Variants in CNTNAP5 observed in about 807,000 individuals in gnomAD.
CNTNAP5 encodes contactin-associated protein-like 5.
A neutral mutation model predicts 150.2 loss-of-function variants in CNTNAP5; 72 were observed. The observed-to-expected ratio is 0.48, with a 90% confidence interval of 0.40 to 0.58. The LOEUF is 0.58. CNTNAP5 is among the 20% of genes least tolerant of loss of function. The pLI, the probability that CNTNAP5 is intolerant of heterozygous loss-of-function variation, is 0.00. For synonymous variants in CNTNAP5, 672 were observed against 619.8 expected, an observed-to-expected ratio of 1.08 and a Z score of -1.25; for missense variants, 1,636 against 1,626.2, an observed-to-expected ratio of 1.01 and a Z score of -0.10.
chr2:124,742,497 T>G (rs1041104973), intron 13 of CNTNAP5, among the ~76,000 whole-genome samples: 1 of 152,154 alleles, frequency 6.6e-6, no homozygotes, highest in African/African-American at 2.4e-5. Context: ...CGTTGTGCTA[T>G]AGTATTATTA....
chr2:124,874,615 G>C (rs1401896963), intron 21 of CNTNAP5, among the ~76,000 whole-genome samples: 2 of 151,866 alleles, frequency 1.3e-5, no homozygotes, highest in Non-Finnish European at 2.9e-5. Context: ...CTATTGTTTG[G>C]TGAAATTAAG....
intron 21 of CNTNAP5, among the ~76,000 whole-genome samples, chr2:124,901,005 C>T (rs1678404803): frequency 6.6e-6 from 1 of 151,568 alleles, no homozygotes; most frequent in Non-Finnish European, 1.5e-5. Flanking sequence ...CTCATCATAC[C>T]AAACAAACAT....
chr2:124,205,644 C>T (rs547696971), intron 1 of CNTNAP5, among the ~76,000 whole-genome samples: 2 of 152,226 alleles, frequency 1.3e-5, no homozygotes, highest in South Asian at 2.1e-4. Flanking sequence ...TCTTGTGATC[C>T]GCCCACCTCC....
At chr2:124,178,897 A>T (rs1573814649) in intron 1 of CNTNAP5, among the ~76,000 whole-genome samples, 1 of 148,956 alleles carries the variant, frequency 6.7e-6, no homozygotes. Context: ...AAGCTCTCTG[A>T]TTTTTATTTG....
intron 3 of CNTNAP5, among the ~76,000 whole-genome samples, chr2:124,398,780 C>T (rs1573966912): frequency 1.3e-5 from 2 of 152,138 alleles, no homozygotes; most frequent in African/African-American, 4.8e-5. Flanking sequence ...TGCATCTGGC[C>T]CTACTTTATC....
At chr2:124,625,235 G>A (rs911550584) in intron 12 of CNTNAP5, among the ~76,000 whole-genome samples, 15 of 152,100 alleles carry the variant, frequency 9.9e-5, no homozygotes, top group South Asian at 4.1e-4. Context: ...CTTTACCTCC[G>A]TGTCCGTCAC....
intron 11 of CNTNAP5, among the ~76,000 whole-genome samples, chr2:124,564,619 A>G (rs10187894): frequency 0.42 from 64,336 of 151,922 alleles, 14,738 homozygotes; most frequent in East Asian, 0.98. Context: ...CTCCCAAAGC[A>G]CTGGGATTAC....
intron 13 of CNTNAP5, among the ~76,000 whole-genome samples, chr2:124,737,766 T>A (rs1002225696): frequency 3.3e-5 from 5 of 152,132 alleles, no homozygotes; most frequent in Admixed American, 6.5e-5. Flanking sequence ...ACGGAAGAGA[T>A]CGTTATGGCT....
intron 21 of CNTNAP5, among the ~76,000 whole-genome samples, chr2:124,881,662 A>T (rs1329214915): frequency 6.6e-6 from 1 of 152,054 alleles, no homozygotes; most frequent in African/African-American, 2.4e-5. Context: ...CACTGTGGCG[A>T]TGTCCACAGT....
At chr2:124,166,544 G>A (rs1684813399) in intron 1 of CNTNAP5, among the ~76,000 whole-genome samples, 1 of 152,062 alleles carries the variant, frequency 6.6e-6, no homozygotes, top group South Asian at 2.1e-4. Flanking sequence ...GCTACTTATT[G>A]TCAATTTTCT....
chr2:124,340,510 C>A (rs1394734283), intron 3 of CNTNAP5, among the ~76,000 whole-genome samples: 1 of 151,926 alleles, frequency 6.6e-6, no homozygotes, highest in East Asian at 1.9e-4. Context: ...AAACAAAGCA[C>A]CTCTGAGCTC....
intron 3 of CNTNAP5, among the ~76,000 whole-genome samples, chr2:124,358,550 T>C (rs1690093832): frequency 6.6e-6 from 1 of 152,158 alleles, no homozygotes; most frequent in Non-Finnish European, 1.5e-5. Context: ...TTTCTGCATC[T>C]ATTGAGATAA....
In CNTNAP5 at chr2:124,444,624, A is replaced by C. The variant is rs965245751; in HGVS notation, c.734-2129A>C. On this transcript the variant is annotated intron_variant, in intron 5 of 23. Transcript: ENST00000682447. ...AAAACAAACAAACAAACAAACAAGCAAAAAAATACAGTAATCTGCATTAGT... is the reference window on the plus strand; with the variant it reads ...AAAACAAACAAACAAACAAACAAGCCAAAAAATACAGTAATCTGCATTAGT... Among the ~76,000 whole-genome samples the C allele has an allele frequency of 5.3e-3, 811 of 152,146 alleles. 8 individuals carry two copies. The highest frequency in any genetic ancestry group is 0.018 in the African/African-American group (762 of 41,540).
In CNTNAP5 at chr2:124,353,531, A is replaced by G. The variant is rs531262873; in HGVS notation, c.382-63912A>G. On this transcript the variant is annotated intron_variant, in intron 3 of 23. Coordinates refer to ENST00000682447, the MANE Select transcript of CNTNAP5 (RefSeq NM_001367498.1). ...CAGACAGGCAATGCATATTTTACACAGAAAACTATAAGCCTGTCCCATTTC... is the reference window on the plus strand; with the variant it reads ...CAGACAGGCAATGCATATTTTACACGGAAAACTATAAGCCTGTCCCATTTC... Among the ~76,000 whole-genome samples, 8 of 152,254 alleles carry G rather than the reference A, an allele frequency of 5.3e-5. No individual in the cohort carries two copies. The East Asian group carries it at 1.4e-3, about 26-fold the overall frequency.
rs74457683 is a variant in CNTNAP5 at position 124,918,426 on chromosome 2, T to A, written c.*4138T>A. Reference sequence around the variant, plus strand: ...TTATGTGAGGTCTCACCTCTGAGCCTGAGTGAGTGTTTCCTGTCTTGAAGG... The same window carrying A: ...TTATGTGAGGTCTCACCTCTGAGCCAGAGTGAGTGTTTCCTGTCTTGAAGG... On this transcript the variant is annotated 3_prime_UTR_variant, in exon 24 of 24. Coordinates refer to ENST00000682447, the MANE Select transcript of CNTNAP5 (RefSeq NM_001367498.1). Among the ~76,000 whole-genome samples, 1,696 of 152,144 alleles carry A rather than the reference T, an allele frequency of 0.011. 34 individuals carry two copies. Among genetic ancestry groups the A allele is most frequent in the African/African-American group, 0.038 (1,574 of 41,542 alleles).
At chr2:124,059,071 A>G in intron 1 of CNTNAP5, among the ~76,000 whole-genome samples, 1 of 152,176 alleles carries the variant, frequency 6.6e-6, no homozygotes, top group Non-Finnish European at 1.5e-5. Context: ...TGTTATTGGA[A>G]TTTCTTCCAC....
At chr2:124,389,004 G>A (rs888798104) in intron 3 of CNTNAP5, among the ~76,000 whole-genome samples, 6 of 152,120 alleles carry the variant, frequency 3.9e-5, no homozygotes, top group Non-Finnish European at 7.3e-5. Flanking sequence ...GCGGCTGAAC[G>A]ATGTCAACAG....
chr2:124,288,628 T>C (rs1267538042), intron 3 of CNTNAP5, among the ~76,000 whole-genome samples: 3 of 152,216 alleles, frequency 2.0e-5, no homozygotes, highest in Admixed American at 2.0e-4. Flanking sequence ...ATGGAACTCA[T>C]GATTCTTGCT....
At chr2:124,318,851 C>T (rs1689031668) in intron 3 of CNTNAP5, among the ~76,000 whole-genome samples, 1 of 152,118 alleles carries the variant, frequency 6.6e-6, no homozygotes. Context: ...TCTCTCCAGT[C>T]CCCCTGCCCA....
Sources: allele counts gnomAD v4.1 joint callset (sites outside exome capture counted in the v4.1 genomes callset), GRCh38; gene constraint gnomAD v4.1.1; transcripts MANE v1.5; gene names NCBI Gene and HGNC (gene_info 2026-07-23, HGNC 2026-07-21).